WDR20: variants seen among roughly 807,000 people sequenced by gnomAD.
WDR20 encodes the protein WD repeat domain 20.
In WDR20, 3 loss-of-function variants were observed where a neutral mutation model predicts 38.7. The ratio of observed to expected loss-of-function variants is 0.08; its 90% confidence interval spans 0.04 to 0.20. The LOEUF (loss-of-function observed/expected upper bound fraction) is 0.20, where lower values mean the gene tolerates loss of function less well. WDR20 is among the 10% of genes least tolerant of loss of function. The pLI, the probability that WDR20 is intolerant of heterozygous loss-of-function variation, is 1.00. For missense variants in WDR20, 559 were observed against 727.7 expected (o/e 0.77, Z 2.67); for synonymous variants, 298 against 285.6 (o/e 1.04, Z -0.44).
downstream of WDR20, among the ~76,000 whole-genome samples, chr14:102,217,284 G>A (rs567468543): frequency 2.2e-4 from 33 of 152,338 alleles, no homozygotes; most frequent in African/African-American, 7.9e-4. Flanking sequence ...ACGGGATCAC[G>A]ATGAAGGCCC....
At chr14:102,224,574 A>G, downstream of WDR20, 1 of 456,112 alleles carries the variant, frequency 2.2e-6, no homozygotes. Context: ...TCATCACATT[A>G]AATTGGGGGC....
chr14:102,222,869 G>A lies in WDR20; in HGVS notation c.1732G>A (p.Gly578Arg). 2 of 1,614,208 alleles carry A rather than the reference G, an allele frequency of 1.2e-6. No homozygotes were observed. Among genetic ancestry groups the A allele is most frequent in the Non-Finnish European group, 1.7e-6 (2 of 1,180,024 alleles). Residue 578 changes from glycine to arginine, a missense_variant, in exon 4 of 4, where the codon GGA becomes AGA. Transcript: ENST00000335263. This position sits in a 1 kb window ranked among gnomAD's most constrained non-coding sequence, Gnocchi z 4.4. ...CCCAAGCCAGGCCAGTTCTCCAGGT[G>A]GAACTGTAGTGTAGCGACCTCACTG...
intron 1 of WDR20, among the ~76,000 whole-genome samples, chr14:102,179,200 A>T (rs993423595): frequency 1.6e-4 from 25 of 152,164 alleles, no homozygotes; most frequent in South Asian, 2.1e-4. Flanking sequence ...TCAGCTTTTT[A>T]AAAAAAGACT....
chr14:102,209,247 C>T lies in WDR20; in HGVS notation c.1077C>T (p.Asp359=), dbSNP rs1485482757. The change falls in exon 3 of 3, where the codon GAC becomes GAT. Residue 359 remains aspartate, a synonymous_variant. Transcript: ENST00000342702. The surrounding 1 kb of genome is among the most constrained non-coding windows in gnomAD (Gnocchi z 6.0). ...GGCTCTCCAAACGGAACTCTACAGA[C>T]AGCCGCCCCGTAAGTGTCACGTATC... ...QSRLSKRNST[D]SRPVSVTYRF... 1.2e-5 allele frequency: 20 copies of T among 1,614,096 alleles called. No individual in the cohort carries two copies. The highest frequency in any genetic ancestry group is 2.2e-5 in the East Asian group (1 of 44,892).
chr14:102,153,725 A>T (rs1305146266), intron 1 of WDR20, among the ~76,000 whole-genome samples: 2 of 152,132 alleles, frequency 1.3e-5, no homozygotes, highest in Non-Finnish European at 2.9e-5. Context: ...GAACCTCTTT[A>T]TACTAACTGC....
At chr14:102,166,628 T>C (rs998955714) in intron 1 of WDR20, among the ~76,000 whole-genome samples, 2 of 152,232 alleles carry the variant, frequency 1.3e-5, no homozygotes, top group African/African-American at 4.8e-5. Context: ...TGTTAGTCTG[T>C]GCATTGTTCT....
chr14:102,156,352 C>G (rs755472228), intron 1 of WDR20, among the ~76,000 whole-genome samples: 8 of 151,076 alleles, frequency 5.3e-5, no homozygotes, highest in African/African-American at 1.9e-4. Context: ...GTGTTTTTAG[C>G]AGAGATGGGG....
intron 2 of WDR20, chr14:102,198,166 T>G (rs2059732199): frequency 5.8e-6 from 1 of 171,932 alleles, no homozygotes; most frequent in Non-Finnish European, 1.3e-5. Flanking sequence ...TCTTACTCTG[T>G]CACCCAGGCT....
chr14:102,198,978 A>G (rs1262679587), intron 2 of WDR20, among the ~76,000 whole-genome samples: 1 of 152,192 alleles, frequency 6.6e-6, no homozygotes, highest in Non-Finnish European at 1.5e-5. Flanking sequence ...TTGTCAGCAT[A>G]GAAATAATAA....
chr14:102,164,747 A>G (rs1352014150), intron 1 of WDR20, among the ~76,000 whole-genome samples: 1 of 152,108 alleles, frequency 6.6e-6, no homozygotes, highest in Admixed American at 6.5e-5. Flanking sequence ...CTCCTTTGCT[A>G]GTTCTTTCTA....
chr14:102,143,326 G>C (rs963096778), intron 1 of WDR20, among the ~76,000 whole-genome samples: 1 of 145,946 alleles, frequency 6.9e-6, no homozygotes, highest in African/African-American at 2.5e-5. Flanking sequence ...TTTCACAATC[G>C]AGGAAGTTTA....
chr14:102,182,187 A>G (rs2063518315), intron 1 of WDR20, among the ~76,000 whole-genome samples: 1 of 152,194 alleles, frequency 6.6e-6, no homozygotes. Flanking sequence ...TATTAGAGAA[A>G]AAATAGGGAG....
chr14:102,154,486 ATAT>A (rs1566825227), intron 1 of WDR20, among the ~76,000 whole-genome samples: 2 of 152,144 alleles, frequency 1.3e-5, no homozygotes, highest in Non-Finnish European at 2.9e-5. Flanking sequence ...CTACCTCCTG[ATAT>A]TATCACATTG....
At position 102,140,103 on chromosome 14, in the gene WDR20, C is replaced by T; in HGVS notation, c.180C>T (p.Gly60=). ...VSFVNLNDQS[G]NGDRLCFNVG... ...TCGTAAACCTCAACGACCAGTCTGG[C>T]AACGGCGACCGCCTCTGCTTCAATG... Residue 60 remains glycine, a synonymous_variant, in exon 1 of 3, where the codon GGC becomes GGT. Transcript: ENST00000342702. The T allele has an allele frequency of 6.2e-7, 1 of 1,614,130 alleles. No homozygotes were observed. The highest frequency in any genetic ancestry group is 8.5e-7 in the Non-Finnish European group (1 of 1,180,028).
At chr14:102,139,691 G>T (rs1193076100), upstream of WDR20, 3 of 680,000 alleles carry the variant, frequency 4.4e-6, no homozygotes, top group Non-Finnish European at 7.3e-6. Context: ...ACACCCGGGG[G>T]AGGAGCCTGC....
At chr14:102,178,910 A>T (rs746269325) in intron 1 of WDR20, 7 of 151,936 alleles carry the variant, frequency 4.6e-5, no homozygotes, top group Non-Finnish European at 1.0e-4. Context: ...GTCCCACTTT[A>T]TATTATATAG....
intron 1 of WDR20, among the ~76,000 whole-genome samples, chr14:102,177,697 T>C (rs368594033): frequency 2.0e-5 from 3 of 152,142 alleles, no homozygotes; most frequent in Admixed American, 6.5e-5. Flanking sequence ...GTGATTGATA[T>C]AAGGAAAGGG....
intron 1 of WDR20, among the ~76,000 whole-genome samples, chr14:102,151,743 C>CTT (rs554253452): frequency 7.2e-6 from 1 of 139,280 alleles, no homozygotes; most frequent in African/African-American, 2.6e-5. Context: ...TTTCCTTTTT[C>CTT]TTTTTTTTTT....
At chr14:102,214,187 G>T, downstream of WDR20, 1 of 985,666 alleles carries the variant, frequency 1.0e-6, no homozygotes, top group Non-Finnish European at 1.2e-6. Flanking sequence ...CCTCCGGTCT[G>T]GTCTGGGTGA....
Sources: allele counts gnomAD v4.1 joint callset (sites outside exome capture counted in the v4.1 genomes callset), GRCh38; gene constraint gnomAD v4.1.1; non-coding constraint Gnocchi (gnomAD v3.1); transcripts MANE v1.5; gene names NCBI Gene and HGNC (gene_info 2026-07-23, HGNC 2026-07-21).